CNTN4: variants seen among roughly 807,000 people sequenced by gnomAD.
The protein encoded by CNTN4 is contactin 4.
A neutral mutation model predicts 122.5 loss-of-function variants in CNTN4; 77 were observed. The observed-to-expected ratio is 0.63, with a 90% CI of 0.52 to 0.76. CNTN4 has a LOEUF of 0.76. Among genes scored for constraint, CNTN4 ranks in the 30% least tolerant of loss-of-function variants. CNTN4 has a pLI of 0.00. For synonymous variants in CNTN4, 512 were observed against 447.0 expected (o/e 1.15, Z -1.83); for missense variants, 1,256 against 1,259.1 (o/e 1.00, Z 0.04).
intron 3 of CNTN4, among the ~76,000 whole-genome samples, chr3:2,443,942 G>A (rs1160351738): frequency 6.6e-6 from 1 of 152,118 alleles, no homozygotes; most frequent in Non-Finnish European, 1.5e-5. Context: ...ATGGATTTAC[G>A]TAGTTTATCG....
At chr3:2,300,674 C>T (rs1008469186) in intron 2 of CNTN4, among the ~76,000 whole-genome samples, 2 of 145,704 alleles carry the variant, frequency 1.4e-5, no homozygotes, top group African/African-American at 5.1e-5. Flanking sequence ...CGGGTTCAAG[C>T]GATTTCCCTG....
chr3:2,270,038 T>C (rs796271420), intron 2 of CNTN4, among the ~76,000 whole-genome samples: 3,173 of 96,144 alleles, frequency 0.033, 834 homozygotes, highest in Middle Eastern at 0.071. Flanking sequence ...CAAGCTCCGC[T>C]TCCCGGGTTC....
At chr3:2,828,508 A>T (rs1029254007) in intron 7 of CNTN4, among the ~76,000 whole-genome samples, 2 of 152,146 alleles carry the variant, frequency 1.3e-5, no homozygotes, top group African/African-American at 4.8e-5. Flanking sequence ...CTACTATGCC[A>T]TTTTCCAAGA....
At chr3:2,680,248 A>C (rs1417394556) in intron 4 of CNTN4, among the ~76,000 whole-genome samples, 1 of 152,202 alleles carries the variant, frequency 6.6e-6, no homozygotes, top group East Asian at 1.9e-4. Flanking sequence ...CAAGCGAGGC[A>C]AGGCTTCAAA....
At chr3:2,493,994 G>A (rs928287544) in intron 3 of CNTN4, among the ~76,000 whole-genome samples, 7 of 151,964 alleles carry the variant, frequency 4.6e-5, no homozygotes, top group African/African-American at 1.7e-4. Context: ...GATGACTATA[G>A]AACTGTTATA....
intron 1 of CNTN4, chr3:2,099,804 C>T (rs2031750570): frequency 6.6e-6 from 1 of 152,368 alleles, no homozygotes. Flanking sequence ...CCGGGCGCCC[C>T]ACAGACCCCA....
chr3:2,784,335 C>T (rs920412837), intron 6 of CNTN4, among the ~76,000 whole-genome samples: 3 of 152,182 alleles, frequency 2.0e-5, no homozygotes, highest in Admixed American at 1.3e-4. Flanking sequence ...GCAAACACAA[C>T]ACATTTTGGG....
At chr3:2,164,482 C>T (rs549149923) in intron 2 of CNTN4, among the ~76,000 whole-genome samples, 2 of 152,292 alleles carry the variant, frequency 1.3e-5, no homozygotes, top group African/African-American at 2.4e-5. Context: ...ACCATTTCCT[C>T]TAAGCCAAAC....
rs576697184 is a variant in CNTN4 at position 2,821,666 on chromosome 3, G to A, written c.454+2085G>A. ...TGCAGTGTCGGCTAAAAGGAACTAC[G>A]ATGACTAAAAGGCAAATATAACTGC... On this transcript the variant is annotated intron_variant, in intron 7 of 24. Coordinates refer to ENST00000418658, the MANE Select transcript of CNTN4 (RefSeq NM_175607.3). 6.6e-5 allele frequency among the ~76,000 whole-genome samples: 10 copies of A among 152,286 alleles called. No homozygotes were observed. In the East Asian group the frequency reaches 9.6e-4, roughly 15 times the overall value.
intron 2 of CNTN4, among the ~76,000 whole-genome samples, chr3:2,242,578 C>T (rs2039984058): frequency 6.6e-6 from 1 of 152,092 alleles, no homozygotes; most frequent in South Asian, 2.1e-4. Flanking sequence ...AATATATATG[C>T]ATACACCATA....
chr3:2,887,356 C>A, intron 10 of CNTN4, 132 bp downstream of exon 10: 1 of 854,650 alleles, frequency 1.2e-6, no homozygotes, highest in Non-Finnish European at 1.9e-6. Flanking sequence ...TCATGGTTTG[C>A]TCCATAATCA....
chr3:2,748,958 T>TG (rs1054641210), intron 6 of CNTN4, among the ~76,000 whole-genome samples: 35 of 152,342 alleles, frequency 2.3e-4, no homozygotes, highest in African/African-American at 7.5e-4. Flanking sequence ...TCCCTCTGCC[T>TG]GATCAGCTTT....
chr3:2,448,450 G>A (rs992536711), intron 3 of CNTN4, among the ~76,000 whole-genome samples: 5 of 152,160 alleles, frequency 3.3e-5, no homozygotes, highest in Non-Finnish European at 7.3e-5. Flanking sequence ...CAGTGATTGG[G>A]CTTCTCAAAT....
intron 13 of CNTN4, among the ~76,000 whole-genome samples, chr3:2,932,415 A>T (rs1164104347): frequency 1.3e-5 from 2 of 152,126 alleles, no homozygotes; most frequent in African/African-American, 4.8e-5. Flanking sequence ...GTACAAATTG[A>T]GATTCTTATA....
intron 3 of CNTN4, among the ~76,000 whole-genome samples, chr3:2,462,820 G>A (rs543283865): frequency 6.6e-6 from 1 of 152,060 alleles, no homozygotes; most frequent in Non-Finnish European, 1.5e-5. Flanking sequence ...TACATAAAGA[G>A]GTGAGGACAG....
chr3:2,679,665 G>A (rs1391777623), intron 4 of CNTN4, among the ~76,000 whole-genome samples: 1 of 152,180 alleles, frequency 6.6e-6, no homozygotes, highest in Non-Finnish European at 1.5e-5. Flanking sequence ...GCGAGATCCA[G>A]TGGCCAGATT....
intron 6 of CNTN4, among the ~76,000 whole-genome samples, chr3:2,784,853 C>T (rs943493551): frequency 6.6e-6 from 1 of 152,138 alleles, no homozygotes; most frequent in African/African-American, 2.4e-5. Flanking sequence ...AGAAGGTATT[C>T]AATAAGCGCT....
chr3:2,637,049 C>G (rs768387382), intron 4 of CNTN4, among the ~76,000 whole-genome samples: 33 of 150,148 alleles, frequency 2.2e-4, no homozygotes, highest in Admixed American at 8.0e-4. Flanking sequence ...TCAGGTAATC[C>G]TCCCAACTCA....
At chr3:2,870,745 C>A (rs1359310745) in intron 8 of CNTN4, among the ~76,000 whole-genome samples, 1 of 152,196 alleles carries the variant, frequency 6.6e-6, no homozygotes, top group Non-Finnish European at 1.5e-5. Flanking sequence ...AATTGCTAGA[C>A]TTGTCATTTA....
Sources: allele counts gnomAD v4.1 joint callset (sites outside exome capture counted in the v4.1 genomes callset), GRCh38; gene constraint gnomAD v4.1.1; transcripts MANE v1.5; gene names NCBI Gene and HGNC (gene_info 2026-07-23, HGNC 2026-07-21).